The following KCNH1 variants were observed in gnomAD, a reference collection of about 807,000 sequenced individuals.
KCNH1 encodes the protein voltage-gated delayed rectifier potassium channel KCNH1.
KCNH1 carries 27 observed loss-of-function variants against 69.2 expected under a neutral mutation model. The observed-to-expected ratio is 0.39, with a 90% confidence interval of 0.29 to 0.54. KCNH1 has a LOEUF of 0.54. Ranked by LOEUF, KCNH1 falls within the 20% of genes least tolerant of loss-of-function variation. The probability of loss-of-function intolerance (pLI) is 0.68; values close to 1 mark genes in which losing one functional copy is unlikely to be tolerated. For missense variants in KCNH1, 798 were observed against 1,261.6 expected, an observed-to-expected ratio of 0.63 and a Z score of 5.57; for synonymous variants, 456 against 487.7, an observed-to-expected ratio of 0.93 and a Z score of 0.86.
At chr1:210,728,541 C>G (rs964300984) in intron 10 of KCNH1, among the ~76,000 whole-genome samples, 3 of 152,172 alleles carry the variant, frequency 2.0e-5, no homozygotes, top group Non-Finnish European at 4.4e-5. Flanking sequence ...AAATTTCTCT[C>G]TGGTCATTCT....
At chr1:211,059,211 T>TGGAG (rs1410513854) in intron 5 of KCNH1, among the ~76,000 whole-genome samples, 2 of 146,772 alleles carry the variant, frequency 1.4e-5, no homozygotes, top group African/African-American at 2.5e-5. Flanking sequence ...ACCTGGGAGG[T>TGGAG]GGAGGTTGCA....
At chr1:210,899,365 T>C (rs1270957797) in intron 7 of KCNH1, among the ~76,000 whole-genome samples, 1 of 152,116 alleles carries the variant, frequency 6.6e-6, no homozygotes, top group African/African-American at 2.4e-5. Context: ...CAAAATTATT[T>C]CTAAAAATAT....
intron 7 of KCNH1, among the ~76,000 whole-genome samples, chr1:210,884,447 A>G (rs918372365): frequency 4.6e-5 from 7 of 152,166 alleles, no homozygotes; most frequent in East Asian, 1.9e-4. Flanking sequence ...TTTCAGCTCT[A>G]TTTTATAGAG....
At chr1:210,786,859 A>G (rs142686456) in intron 9 of KCNH1, among the ~76,000 whole-genome samples, 1 of 152,262 alleles carries the variant, frequency 6.6e-6, no homozygotes, top group East Asian at 1.9e-4. Flanking sequence ...AGCTCTGAAA[A>G]TTTCATACAT....
chr1:211,086,045 GT>G (rs1690946459), intron 4 of KCNH1, among the ~76,000 whole-genome samples: 1 of 152,156 alleles, frequency 6.6e-6, no homozygotes, highest in African/African-American at 2.4e-5. Flanking sequence ...GTGCTTCACT[GT>G]TTTATTTGCT....
intron 5 of KCNH1, among the ~76,000 whole-genome samples, chr1:211,047,667 A>G (rs565569508): frequency 1.3e-5 from 2 of 152,332 alleles, no homozygotes; most frequent in South Asian, 2.1e-4. Flanking sequence ...GAATATAGAT[A>G]CAAGTGAGTG....
intron 9 of KCNH1, among the ~76,000 whole-genome samples, chr1:210,775,923 T>C (rs1683850336): frequency 6.6e-6 from 1 of 152,214 alleles, no homozygotes; most frequent in African/African-American, 2.4e-5. Flanking sequence ...TTATTGCATG[T>C]ATCTCAACTT....
At chr1:210,724,107 C>G (rs887512397) in intron 10 of KCNH1, among the ~76,000 whole-genome samples, 1 of 152,126 alleles carries the variant, frequency 6.6e-6, no homozygotes, top group African/African-American at 2.4e-5. Context: ...ATTTTATCCT[C>G]ACAATATGTG....
chr1:211,033,864 T>A (rs552879489), intron 5 of KCNH1, among the ~76,000 whole-genome samples: 1 of 151,968 alleles, frequency 6.6e-6, no homozygotes, highest in Non-Finnish European at 1.5e-5. Context: ...TGTATACATA[T>A]GTAACAAACC....
intron 5 of KCNH1, among the ~76,000 whole-genome samples, chr1:211,055,069 T>A (rs1198342824): frequency 6.6e-6 from 1 of 152,076 alleles, no homozygotes; most frequent in Non-Finnish European, 1.5e-5. Flanking sequence ...TGAACAATTA[T>A]CCACACAAAA....
In KCNH1 at chr1:210,775,483, G is replaced by A; in HGVS notation, c.1977C>T (p.Ala659=). 1 of 1,614,018 alleles carries A rather than the reference G, an allele frequency of 6.2e-7. No homozygotes were observed. Among genetic ancestry groups the A allele is most frequent in the Non-Finnish European group, 8.5e-7 (1 of 1,179,928 alleles). ...WKEATLAQSC[A]NVRALTYCDL... is the part of the protein sequence containing the mutation. ...CACAGTAGGTCAAGGCCCTAACATT[G>A]GCACAGGACTGGGCAAGGGTGGCTT... The change falls in exon 10 of 11, where the codon GCC becomes GCT. Residue 659 remains alanine (A), a synonymous_variant. Coordinates refer to ENST00000271751, the MANE Select transcript of KCNH1 (RefSeq NM_172362.3).
intron 7 of KCNH1, among the ~76,000 whole-genome samples, chr1:210,877,309 G>T (rs1686398085): frequency 6.6e-6 from 1 of 152,164 alleles, no homozygotes; most frequent in Non-Finnish European, 1.5e-5. Context: ...GCAGGACACT[G>T]ACTGCCGTCT....
At chr1:210,992,105 G>A (rs1331317401) in intron 6 of KCNH1, among the ~76,000 whole-genome samples, 1 of 152,188 alleles carries the variant, frequency 6.6e-6, no homozygotes, top group Non-Finnish European at 1.5e-5. Flanking sequence ...TGCTAACAAT[G>A]TGGGCACTGC....
In KCNH1 at chr1:210,774,679, C is replaced by T. The variant is rs1208087651; in HGVS notation, c.2112+669G>A. ...AGTGCAAGAAAATCCGTCATGAAAA[C>T]CTCAAGAGTACAAGACCAATACTTT... On this transcript the variant is annotated intron_variant, in intron 10 of 10. Transcript: ENST00000271751. Among the ~76,000 whole-genome samples, 7 of 152,128 alleles carry T rather than the reference C, an allele frequency of 4.6e-5. No homozygotes were observed. In the East Asian group the frequency reaches 9.6e-4, roughly 21 times the overall value.
chr1:210,813,444 G>A (rs944699628), intron 7 of KCNH1, among the ~76,000 whole-genome samples: 2 of 152,212 alleles, frequency 1.3e-5, no homozygotes, highest in African/African-American at 4.8e-5. Flanking sequence ...GGGCTGAAGA[G>A]TAAGTGTAGA....
intron 7 of KCNH1, among the ~76,000 whole-genome samples, chr1:210,884,066 C>T (rs887926848): frequency 2.6e-5 from 4 of 152,182 alleles, no homozygotes; most frequent in East Asian, 1.9e-4. Flanking sequence ...TCTAGTGAGA[C>T]GCATGCACAG....
intron 10 of KCNH1, among the ~76,000 whole-genome samples, chr1:210,710,225 TA>T (rs111407250): frequency 1.3e-5 from 2 of 151,756 alleles, no homozygotes; most frequent in African/African-American, 2.4e-5. Flanking sequence ...ATATAAAAGA[TA>T]AAAAAAATAC....
At chr1:210,895,569 G>C (rs1468670548) in intron 7 of KCNH1, among the ~76,000 whole-genome samples, 1 of 152,074 alleles carries the variant, frequency 6.6e-6, no homozygotes, top group Non-Finnish European at 1.5e-5. Context: ...GGTGGAGGAA[G>C]AGGATGAGAG....
In KCNH1 at chr1:210,919,387, T is replaced by G. The variant is rs1365254273; in HGVS notation, c.1462+253A>C. 1 of 481,642 alleles carries G rather than the reference T, an allele frequency of 2.1e-6. No individual in the cohort carries two copies. The highest frequency in any genetic ancestry group is 3.7e-6 in the Non-Finnish European group (1 of 266,678). 29.8% of individuals were successfully genotyped at this position (481,642 alleles called of 1,614,324 possible). A position where few individuals can be genotyped will look rare whatever the true frequency, so the allele number is the denominator to read the frequency against. On this transcript the variant is annotated intron_variant, in intron 7 of 10. Coordinates refer to ENST00000271751, the MANE Select transcript of KCNH1 (RefSeq NM_172362.3). This position sits in a 1 kb window ranked among gnomAD's most constrained non-coding sequence, Gnocchi z 4.2. ...TCTGTAAGAGAAGACACCAACAGTA[T>G]TAGTAGTTATCTCTGAAAAGCAGAA...
Sources: gnomAD v4.1 joint callset for allele counts (sites outside exome capture counted in the v4.1 genomes callset) on GRCh38, gnomAD v4.1.1 for gene constraint, Gnocchi (gnomAD v3.1) non-coding constraint, MANE v1.5 for transcripts, NCBI Gene and HGNC (gene_info 2026-07-23, HGNC 2026-07-21) for gene names.